CLTRN: variants seen among roughly 807,000 people sequenced by gnomAD.
CLTRN encodes collectrin, amino acid transport regulator, also known as collectrin.
A neutral mutation model predicts 14.5 loss-of-function variants in CLTRN; 12 were observed. The ratio of observed to expected loss-of-function variants is 0.83; its 90% CI spans 0.53 to 1.34. CLTRN has a LOEUF of 1.34. Ranked by LOEUF, CLTRN falls within the 40% of genes most tolerant of loss-of-function variation. The pLI is 0.00. For synonymous variants in CLTRN, 58 were observed against 56.5 expected (o/e 1.03, Z -0.12); for missense variants, 154 against 165.1 (o/e 0.93, Z 0.37).
chrX:15,670,944 TCTAAGG>T (rs1929709710), intron 1 of CLTRN, among the ~76,000 whole-genome samples: 1 of 105,141 alleles, frequency 9.5e-6, no homozygotes, highest in Non-Finnish European at 2.0e-5. Flanking sequence ...GTGTGGTTTC[TCTAAGG>T]CTAAGAATGT....
intron 3 of CLTRN, among the ~76,000 whole-genome samples, chrX:15,650,028 C>G (rs1410524277): frequency 9.8e-6 from 1 of 101,804 alleles, no homozygotes; most frequent in Admixed American, 1.1e-4. Flanking sequence ...CTGGATAATT[C>G]TAGGTTGTCG....
upstream of CLTRN, among the ~76,000 whole-genome samples, chrX:15,668,123 A>G (rs1022187845): frequency 1.8e-5 from 2 of 112,544 alleles, no homozygotes; most frequent in Non-Finnish European, 3.8e-5. Flanking sequence ...GAAAACATCC[A>G]TAATACTACC....
At chrX:15,645,756 T>C (rs1034071153) in intron 3 of CLTRN, among the ~76,000 whole-genome samples, 6 of 112,273 alleles carry the variant, frequency 5.3e-5, no homozygotes, top group African/African-American at 1.9e-4. Flanking sequence ...AGAGACAATC[T>C]ATACATGGAT....
At position 15,627,759 on chromosome X, in the gene CLTRN, T is replaced by C. The variant is rs901989474; in HGVS notation, c.*212A>G. ...TTTATACACTATACTGTCAGAAAAA[T>C]ATTTTAGAATATTTTGAGTCGTGAA... On this transcript the variant is annotated 3_prime_UTR_variant, in exon 6 of 6. Coordinates refer to ENST00000380342, the MANE Select transcript of CLTRN (RefSeq NM_020665.6). 1 of 278,888 alleles carries C rather than the reference T, an allele frequency of 3.6e-6. No homozygotes were observed. Among genetic ancestry groups the C allele is most frequent in the East Asian group, 5.2e-5 (1 of 19,163 alleles). The allele number at this position is 278,888 out of a possible 1,213,427, so 23.0% of individuals were successfully genotyped here. A position where few individuals can be genotyped will look rare whatever the true frequency, so the allele number is the denominator to read the frequency against.
At chrX:15,641,778 C>T (rs1474154510) in intron 4 of CLTRN, among the ~76,000 whole-genome samples, 1 of 110,778 alleles carries the variant, frequency 9.0e-6, no homozygotes, top group African/African-American at 3.3e-5. Flanking sequence ...GCACACCTGA[C>T]TTTGAACTAG....
chrX:15,660,806 CCAACAACAACAA>C (rs35179264), intron 2 of CLTRN, among the ~76,000 whole-genome samples: 15 of 101,413 alleles, frequency 1.5e-4, no homozygotes, highest in South Asian at 4.8e-4. Context: ...GACCCTGTCT[CCAACAACAACAA>C]CAACAACAAC....
intron 2 of CLTRN, among the ~76,000 whole-genome samples, chrX:15,662,611 C>T (rs1331949007): frequency 9.0e-6 from 1 of 111,715 alleles, no homozygotes; most frequent in Non-Finnish European, 1.9e-5. Context: ...CTCTTTCCTG[C>T]CCTTCACAGC....
In CLTRN at chrX:15,671,844, G is replaced by A. The variant is rs867611136; in HGVS notation, c.-506+3145C>T. Among the ~76,000 whole-genome samples, 83 of 90,044 alleles carry A rather than the reference G, an allele frequency of 9.2e-4. 2 individuals are homozygous for A. The Middle Eastern group carries it at 0.023, about 25-fold the overall frequency. The allele number at this position is 90,044 out of a possible 115,157, so 78.2% of individuals were successfully genotyped here. ...TTTTGGTATGCTTAATTTTATGCGC[G>A]CACACACACACACACACACACACAC... On this transcript the variant is annotated intron_variant, in intron 1 of 6. Transcript: ENST00000650271.
At chrX:15,649,483 C>CAA (rs1206657035) in intron 3 of CLTRN, among the ~76,000 whole-genome samples, 1 of 111,930 alleles carries the variant, frequency 8.9e-6, no homozygotes, top group Admixed American at 9.4e-5. Flanking sequence ...ACTCTAAAAA[C>CAA]AAAGTTTTTA....
chrX:15,659,760 A>C (rs112210378), intron 2 of CLTRN, among the ~76,000 whole-genome samples: 2 of 111,463 alleles, frequency 1.8e-5, no homozygotes, highest in Non-Finnish European at 3.8e-5. Context: ...ACAGCCATCT[A>C]CATACAGGCC....
rs781341768 is a variant in CLTRN, at chrX:15,657,180, G to A, written c.203+1836C>T. ...TAATTTTTGCATTTTTTGTAGAAAC[G>A]AGGTTTTGCCATGTTGTCCATGTTG... On this transcript the variant is annotated intron_variant, in intron 3 of 5. Coordinates refer to ENST00000380342, the MANE Select transcript of CLTRN (RefSeq NM_020665.6). 5.0e-4 allele frequency among the ~76,000 whole-genome samples: 56 copies of A among 111,079 alleles called. 1 individual carries two copies. The South Asian group carries it at 0.02, about 40-fold the overall frequency.
At chrX:15,655,833 C>G (rs1171128698) in intron 3 of CLTRN, among the ~76,000 whole-genome samples, 4 of 112,072 alleles carry the variant, frequency 3.6e-5, no homozygotes, top group Non-Finnish European at 5.6e-5. Context: ...AAATATTATG[C>G]CAGTCTCCTT....
At chrX:15,667,413 A>C (rs1400460579), upstream of CLTRN, among the ~76,000 whole-genome samples, 3 of 112,230 alleles carry the variant, frequency 2.7e-5, no homozygotes, top group African/African-American at 9.7e-5. Flanking sequence ...TCATTTGAGA[A>C]GACAATCTCT....
At chrX:15,666,896 A>G (rs1225943356), upstream of CLTRN, among the ~76,000 whole-genome samples, 1 of 112,579 alleles carries the variant, frequency 8.9e-6, no homozygotes. Flanking sequence ...GATTGTAACA[A>G]AGCATTTTAC....
At chrX:15,653,523 T>A (rs904646463) in intron 3 of CLTRN, among the ~76,000 whole-genome samples, 1 of 110,813 alleles carries the variant, frequency 9.0e-6, no homozygotes, top group African/African-American at 3.3e-5. Context: ...CCTCCCCATA[T>A]TCTTCCTATT....
Position 15,646,320 on chromosome X carries a change from A to G in CLTRN, c.204-1291T>C, listed in dbSNP as rs1023978453. ...AGGTCGCTGGTCACTGAGCCCGGAC[A>G]CTATCTCTGGCCCTGACCGCAGATT... is the stretch of plus-strand genomic sequence containing the variant. On this transcript the variant is annotated intron_variant, in intron 3 of 5. Transcript: ENST00000380342. 2.3e-5 allele frequency: 6 copies of G among 259,137 alleles called. No homozygotes were observed. The Admixed American group carries it at 3.1e-4, about 13-fold the overall frequency. 21.4% of individuals were successfully genotyped at this position (259,137 alleles called of 1,213,427 possible). A position where few individuals can be genotyped will look rare whatever the true frequency, so the allele number is the denominator to read the frequency against.
intron 3 of CLTRN, among the ~76,000 whole-genome samples, chrX:15,656,156 A>G (rs763992580): frequency 5.4e-5 from 6 of 111,870 alleles, no homozygotes; most frequent in African/African-American, 1.9e-4. Context: ...GGTGATGGTA[A>G]CTGGACTAGA....
chrX:15,664,686 T>G, intron 1 of CLTRN, 32 bp downstream of exon 1: 1 of 1,134,426 alleles, frequency 8.8e-7, no homozygotes, highest in Non-Finnish European at 1.2e-6. Flanking sequence ...TAGAAAACTG[T>G]TCATCTATTT....
At position 15,627,993 on chromosome X, in the gene CLTRN, T is replaced by A; in HGVS notation, c.647A>T (p.Asp216Val). Residue 216 changes from aspartate to valine, a missense_variant, in exon 6 of 6, where the codon GAT becomes GTT. By Grantham distance (152) the Asp-to-Val change is radical. Transcript: ENST00000380342. ...CCTTCAGAGAGGGGTGAGCCTCTCA[T>A]CCTCTGTCATGAAGGCATCATTAAT... is the stretch of plus-strand genomic sequence containing the variant. The part of the protein sequence containing the change: ...GHINDAFMTE[D>V]ERLTPL 1 of 1,047,844 alleles carries A rather than the reference T, an allele frequency of 9.5e-7. No individual in the cohort carries two copies. Among genetic ancestry groups the A allele is most frequent in the Non-Finnish European group, 1.2e-6 (1 of 805,628 alleles). The allele number at this position is 1,047,844 out of a possible 1,213,427, so 86.4% of individuals were successfully genotyped here.
Sources: allele counts gnomAD v4.1 joint callset (sites outside exome capture counted in the v4.1 genomes callset), GRCh38; gene constraint gnomAD v4.1.1; transcripts MANE v1.5; gene names NCBI Gene and HGNC (gene_info 2026-07-23, HGNC 2026-07-21).